The following LTBP1 variants were observed in gnomAD, a reference collection of about 807,000 sequenced individuals.
LTBP1 encodes latent-transforming growth factor beta-binding protein 1.
LTBP1 carries 129 observed loss-of-function variants against 207.6 expected under a neutral mutation model. That is an observed-to-expected ratio of 0.62 (90% CI 0.54 to 0.72). The LOEUF is 0.72. LTBP1 is among the 30% of genes least tolerant of loss of function. LTBP1 has a pLI of 0.00. For missense variants in LTBP1, 2,281 were observed against 2,217.2 expected (o/e 1.03, Z -0.58); for synonymous variants, 963 against 833.7 (o/e 1.16, Z -2.67).
At chr2:33,067,959 A>G (rs2077602704) in intron 3 of LTBP1, among the ~76,000 whole-genome samples, 1 of 152,214 alleles carries the variant, frequency 6.6e-6, no homozygotes, top group Admixed American at 6.5e-5. Context: ...ACATACCAAA[A>G]GGAGGATATC....
chr2:33,297,217 A>G (rs1456889242), intron 20 of LTBP1, among the ~76,000 whole-genome samples: 3 of 152,064 alleles, frequency 2.0e-5, no homozygotes, highest in African/African-American at 4.8e-5. Context: ...TCCGATTCTA[A>G]TGGCGTCTTC....
intron 3 of LTBP1, among the ~76,000 whole-genome samples, chr2:33,037,773 C>T (rs1233608577): frequency 1.3e-5 from 2 of 152,106 alleles, no homozygotes; most frequent in Non-Finnish European, 2.9e-5. Context: ...GCTAGAGTGC[C>T]GTGGCATGAC....
At chr2:33,171,381 T>C (rs1456680028) in intron 5 of LTBP1, among the ~76,000 whole-genome samples, 1 of 147,332 alleles carries the variant, frequency 6.8e-6, no homozygotes, top group African/African-American at 2.5e-5. Flanking sequence ...CAGGAGCCGA[T>C]GCGATCAACT....
At position 33,280,133 on chromosome 2, in the gene LTBP1, C is replaced by T. The variant is rs1442619060; in HGVS notation, c.3087C>T (p.Phe1029=). The stretch of plus-strand genomic sequence containing the variant: ...AGTGCGTTCCCTGCACAGAAGGATT[C>T]CGAGGCTGGAATGGACAGTGCCTTG... ...SYQCVPCTEG[F]RGWNGQCLDV... is the part of the protein sequence containing the mutation. The change falls in exon 19 of 34, where the codon TTC becomes TTT. Residue 1029 remains phenylalanine, a synonymous_variant. Transcript: ENST00000404816. 1.2e-6 allele frequency: 2 copies of T among 1,614,112 alleles called. No homozygotes were observed. Among genetic ancestry groups the T allele is most frequent in the Non-Finnish European group, 1.7e-6 (2 of 1,179,988 alleles).
intron 3 of LTBP1, among the ~76,000 whole-genome samples, chr2:33,028,235 G>C (rs2075523807): frequency 6.6e-6 from 1 of 152,190 alleles, no homozygotes; most frequent in African/African-American, 2.4e-5. Context: ...TGTTGGGATA[G>C]AGTTTGCTTC....
chr2:33,114,075 C>T (rs958599264), intron 4 of LTBP1, among the ~76,000 whole-genome samples: 1 of 152,218 alleles, frequency 6.6e-6, no homozygotes, highest in African/African-American at 2.4e-5. Flanking sequence ...CTCCTGACCT[C>T]AAGTGATCCG....
At chr2:33,055,120 G>C (rs1229972740) in intron 3 of LTBP1, among the ~76,000 whole-genome samples, 1 of 152,142 alleles carries the variant, frequency 6.6e-6, no homozygotes, top group Non-Finnish European at 1.5e-5. Flanking sequence ...TTTTGGGCCT[G>C]TTCCTCTTGG....
rs768771918 is a variant in LTBP1 at position 33,259,630 on chromosome 2, C to T, written c.2418+20C>T. 2 of 1,592,268 alleles carry T rather than the reference C, an allele frequency of 1.3e-6. No individual in the cohort carries two copies. The highest frequency in any genetic ancestry group is 2.3e-5 in the South Asian group (2 of 86,092). On this transcript the variant is annotated intron_variant, in intron 13 of 33. Transcript: ENST00000404816. ...GAAAAGGTAATTTATTCATTGCTTG[C>T]AAGTCTTTTTTTTTCAACGCTCAAA...
At chr2:33,070,293 G>A (rs1017975732) in intron 3 of LTBP1, among the ~76,000 whole-genome samples, 36 of 152,214 alleles carry the variant, frequency 2.4e-4, no homozygotes, top group African/African-American at 8.7e-4. Flanking sequence ...GCTTTGCCAA[G>A]GATAGTTTGC....
intron 5 of LTBP1, among the ~76,000 whole-genome samples, chr2:33,164,966 G>C (rs867440171): frequency 2.6e-5 from 4 of 152,174 alleles, no homozygotes; most frequent in Non-Finnish European, 4.4e-5. Flanking sequence ...TAAGAGTGGT[G>C]GTGGGCCTCA....
rs1263583826 is a variant in LTBP1 at position 33,280,155 on chromosome 2, C to G, written c.3109C>G (p.Leu1037Val). ...EGFRGWNGQC[L>V]DVDECLEPNV... Reference sequence around the variant, plus strand: ...ATTCCGAGGCTGGAATGGACAGTGCCTTGGTAGGTACTATAGTGTACTTAT... The same window carrying G: ...ATTCCGAGGCTGGAATGGACAGTGCGTTGGTAGGTACTATAGTGTACTTAT... The change falls in exon 19 of 34, where the codon CTT becomes GTT. Residue 1037 changes from leucine to valine, a missense_variant. Transcript: ENST00000404816. 6.2e-7 allele frequency: 1 copy of G among 1,613,986 alleles called. No individual in the cohort carries two copies. The highest frequency in any genetic ancestry group is 1.1e-5 in the South Asian group (1 of 91,036).
intron 4 of LTBP1, among the ~76,000 whole-genome samples, chr2:33,122,750 G>A (rs539703666): frequency 6.6e-6 from 1 of 152,148 alleles, no homozygotes; most frequent in Non-Finnish European, 1.5e-5. Context: ...TGTGGATTCT[G>A]AACATCTTTT....
intron 7 of LTBP1, among the ~76,000 whole-genome samples, chr2:33,203,925 A>C (rs1275719839): frequency 6.6e-6 from 1 of 152,116 alleles, no homozygotes; most frequent in Non-Finnish European, 1.5e-5. Context: ...TTGATGGTTG[A>C]TTTTGGCTCT....
At chr2:33,049,303 TG>T (rs1250860609) in intron 3 of LTBP1, among the ~76,000 whole-genome samples, 1 of 152,230 alleles carries the variant, frequency 6.6e-6, no homozygotes, top group Non-Finnish European at 1.5e-5. Flanking sequence ...GAAATGACAT[TG>T]GGGAAAATGG....
intron 2 of LTBP1, among the ~76,000 whole-genome samples, chr2:32,992,850 G>A (rs1429773107): frequency 6.6e-6 from 1 of 152,152 alleles, no homozygotes; most frequent in African/African-American, 2.4e-5. Flanking sequence ...GGAAGGGAAG[G>A]TGTGCGTGGC....
At chr2:33,204,276 C>T (rs914239465) in intron 7 of LTBP1, among the ~76,000 whole-genome samples, 8 of 151,104 alleles carry the variant, frequency 5.3e-5, no homozygotes, top group African/African-American at 2.0e-4. Context: ...TGTTCTATTT[C>T]AACAAGGTCA....
At chr2:33,285,445 CTTTT>C (rs2093646703) in intron 19 of LTBP1, among the ~76,000 whole-genome samples, 1 of 107,678 alleles carries the variant, frequency 9.3e-6, no homozygotes, top group African/African-American at 4.1e-5. Flanking sequence ...TTCTTTCTTT[CTTTT>C]TCTTTTTTTT....
intron 3 of LTBP1, among the ~76,000 whole-genome samples, chr2:33,082,729 C>T (rs1434592784): frequency 3.9e-5 from 6 of 152,168 alleles, no homozygotes; most frequent in Non-Finnish European, 8.8e-5. Context: ...TCAGCCTACT[C>T]ACTTTTTGAT....
intron 9 of LTBP1, among the ~76,000 whole-genome samples, chr2:33,223,458 A>T (rs2091248541): frequency 1.3e-5 from 2 of 152,230 alleles, no homozygotes; most frequent in African/African-American, 2.4e-5. Flanking sequence ...ACATTTTGAG[A>T]AACATCTGCT....
Sources: allele counts gnomAD v4.1 joint callset (sites outside exome capture counted in the v4.1 genomes callset), GRCh38; gene constraint gnomAD v4.1.1; transcripts MANE v1.5; gene names NCBI Gene and HGNC (gene_info 2026-07-23, HGNC 2026-07-21).